The following CD44 variants were observed in gnomAD, a reference collection of about 807,000 sequenced individuals.
CD44 encodes the protein CD44 molecule (IN blood group).
Under a neutral mutation model 88.8 loss-of-function variants are expected in CD44, and 49 were observed. The ratio of observed to expected loss-of-function variants is 0.55; its 90% CI spans 0.44 to 0.70. CD44 has a LOEUF of 0.70. CD44 is among the 30% of genes least tolerant of loss of function. CD44 has a pLI of 0.00. For missense variants in CD44, 883 were observed against 913.8 expected, an observed-to-expected ratio of 0.97 and a Z score of 0.43; for synonymous variants, 325 against 312.3, an observed-to-expected ratio of 1.04 and a Z score of -0.43.
At chr11:35,211,186 G>A in intron 13 of CD44, 60 bp from the exon 14 acceptor site, 1 of 1,292,682 alleles carries the variant, frequency 7.7e-7, no homozygotes, top group Non-Finnish European at 1.1e-6. Flanking sequence ...CTGGAGACAA[G>A]CACATGGTGG....
At chr11:35,144,798 C>T (rs1467882543) in intron 1 of CD44, among the ~76,000 whole-genome samples, 1 of 152,218 alleles carries the variant, frequency 6.6e-6, no homozygotes, top group Non-Finnish European at 1.5e-5. Flanking sequence ...AAATACATGA[C>T]TTAATGTAAT....
chr11:35,157,612 A>G (rs1942074401), intron 1 of CD44, among the ~76,000 whole-genome samples: 1 of 152,158 alleles, frequency 6.6e-6, no homozygotes, highest in African/African-American at 2.4e-5. Context: ...GAGTCAATAC[A>G]CAGGCCACAT....
At chr11:35,153,843 A>G (rs35953520) in intron 1 of CD44, among the ~76,000 whole-genome samples, 15,833 of 152,216 alleles carry the variant, frequency 0.1, 889 homozygotes, top group South Asian at 0.19. Context: ...GATCCCCACA[A>G]TTCCTTGAGG....
At chr11:35,182,339 T>C (rs1041458723) in intron 3 of CD44, among the ~76,000 whole-genome samples, 12 of 152,040 alleles carry the variant, frequency 7.9e-5, no homozygotes, top group African/African-American at 2.9e-4. Flanking sequence ...GGACAAAGTA[T>C]CAGGGCTGGC....
At chr11:35,219,478 A>T in intron 16 of CD44, 91 bp downstream of exon 16, 6 of 848,482 alleles carry the variant, frequency 7.1e-6, no homozygotes, top group Non-Finnish European at 1.2e-5. Flanking sequence ...TTGAAAGCAC[A>T]TTCTCCACAA....
intron 5 of CD44, among the ~76,000 whole-genome samples, chr11:35,193,762 G>A (rs897286275): frequency 6.6e-6 from 1 of 152,140 alleles, no homozygotes; most frequent in Admixed American, 6.5e-5. Context: ...AGAAAAGTCT[G>A]GAATTTCTCT....
At chr11:35,185,865 T>C (rs1945620616) in intron 3 of CD44, among the ~76,000 whole-genome samples, 2 of 152,228 alleles carry the variant, frequency 1.3e-5, no homozygotes, top group African/African-American at 4.8e-5. Flanking sequence ...CACTGCAGTC[T>C]GCTTTTAAGA....
intron 1 of CD44, among the ~76,000 whole-genome samples, chr11:35,167,116 ACTT>A (rs1335989595): frequency 6.6e-6 from 1 of 152,144 alleles, no homozygotes; most frequent in Admixed American, 6.5e-5. Flanking sequence ...GAAGAAAATG[ACTT>A]CTTCGTGTCC....
intron 13 of CD44, chr11:35,210,307 C>T: frequency 3.6e-6 from 1 of 276,594 alleles, no homozygotes; most frequent in Non-Finnish European, 6.7e-6. Flanking sequence ...TTTGTTTTAA[C>T]AATAATGGAT....
intron 1 of CD44, among the ~76,000 whole-genome samples, chr11:35,149,598 C>T (rs1590898010): frequency 6.6e-6 from 1 of 152,162 alleles, no homozygotes; most frequent in East Asian, 1.9e-4. Context: ...AAGTATTTCA[C>T]CCCCATTTAC....
At chr11:35,207,587 A>G (rs1947991979) in intron 11 of CD44, among the ~76,000 whole-genome samples, 1 of 152,282 alleles carries the variant, frequency 6.6e-6, no homozygotes. Context: ...TTGCCCCTGT[A>G]TACTTTCTGT....
rs761278670 is a variant in CD44 at position 35,214,826 on chromosome 11, C to G, written c.1811-26C>G. On this transcript the variant is annotated intron_variant, in intron 14 of 17. Coordinates refer to ENST00000428726, the MANE Select transcript of CD44 (RefSeq NM_000610.4). ...GGAGTGTAAGTGAAAACATGCAGTA[C>G]TGACCTTCCTGATTGCTCATTACAG... is the stretch of plus-strand genomic sequence containing the variant. The G allele has an allele frequency of 4.7e-5, 68 of 1,444,230 alleles. No homozygotes were observed. The East Asian group carries it at 8.9e-4, about 19-fold the overall frequency. 89.5% of individuals were successfully genotyped at this position (1,444,230 alleles called of 1,614,324 possible). A position where few individuals can be genotyped will look rare whatever the true frequency, so the allele number is the denominator to read the frequency against.
chr11:35,160,668 T>C (rs991880653), intron 1 of CD44, among the ~76,000 whole-genome samples: 1 of 152,220 alleles, frequency 6.6e-6, no homozygotes, highest in African/African-American at 2.4e-5. Context: ...GTAAAGTGAC[T>C]TCTGTAAGTA....
At chr11:35,206,620 TA>T (rs772660767) in intron 11 of CD44, among the ~76,000 whole-genome samples, 8 of 108,342 alleles carry the variant, frequency 7.4e-5, no homozygotes, top group East Asian at 5.4e-4. Context: ...TTATGAAAAA[TA>T]AAAAAACCCT....
In CD44 at chr11:35,201,168, CT is replaced by C; in HGVS notation, c.1010del (p.Leu337HisfsTer8). The C allele has an allele frequency of 6.2e-7, 1 of 1,613,354 alleles. No individual in the cohort carries two copies. The highest frequency in any genetic ancestry group is 8.5e-7 in the Non-Finnish European group (1 of 1,179,254). ...CCCAAGCCATTCAAATCCGGAAGTG[CT>C]ACTTCAGACAACCACAAGGATGACT... ...WNPSHSNPEV[L>X]LQTTTRMTDV... On this transcript the variant is annotated frameshift_variant, in exon 8 of 18. Transcript: ENST00000428726. LOFTEE classifies it high-confidence loss of function.
At chr11:35,203,976 G>A (rs933058428) in intron 9 of CD44, among the ~76,000 whole-genome samples, 5 of 152,164 alleles carry the variant, frequency 3.3e-5, no homozygotes, top group Non-Finnish European at 7.3e-5. Flanking sequence ...CTGTGTTAGT[G>A]GAATAGCATC....
rs1029189589 is a variant in CD44 at position 35,222,994 on chromosome 11, C to T, written c.2024+1262C>T. 11 of 985,254 alleles carry T rather than the reference C, an allele frequency of 1.1e-5. No homozygotes were observed. In the South Asian group the frequency reaches 3.3e-4, roughly 29 times the overall value. The allele number at this position is 985,254 out of a possible 1,614,324, so 61.0% of individuals were successfully genotyped here. ...ACACCATGGGCAGCCCATACAGTCT[C>T]TAATTATCTGAGAAAATCAAATGAT... is the stretch of plus-strand genomic sequence containing the variant. On this transcript the variant is annotated intron_variant, in intron 17 of 17. Coordinates refer to ENST00000428726, the MANE Select transcript of CD44 (RefSeq NM_000610.4).
At chr11:35,139,422 C>A (rs1240969960) in intron 1 of CD44, 52 bp downstream of exon 1, 14 of 1,496,810 alleles carry the variant, frequency 9.4e-6, no homozygotes, top group Non-Finnish European at 1.3e-5. Flanking sequence ...GTGCTCAGCG[C>A]GGACCCGGCG....
chr11:35,190,439 G>T (rs960891319), intron 5 of CD44: 1 of 242,558 alleles, frequency 4.1e-6, no homozygotes, highest in Non-Finnish European at 8.1e-6. Flanking sequence ...CTATGGATAA[G>T]ATTGTTTTCA....
Sources: allele counts gnomAD v4.1 joint callset (sites outside exome capture counted in the v4.1 genomes callset), GRCh38; gene constraint gnomAD v4.1.1; transcripts MANE v1.5; gene names NCBI Gene and HGNC (gene_info 2026-07-23, HGNC 2026-07-21).